ZNF415: variants seen among roughly 807,000 people sequenced by gnomAD.
ZNF415 encodes the protein zinc finger protein 415.
In ZNF415, 5 loss-of-function variants were observed where a neutral mutation model predicts 7.3. The observed-to-expected ratio is 0.69, with a 90% confidence interval of 0.36 to 1.44. The LOEUF is 1.44. ZNF415 is among the 40% of genes most tolerant of loss of function. The pLI is 0.04. For missense variants in ZNF415, 628 were observed against 664.8 expected (o/e 0.94, Z 0.61); for synonymous variants, 207 against 226.3 (o/e 0.91, Z 0.77).
intron 2 of ZNF415, among the ~76,000 whole-genome samples, chr19:53,119,319 C>A (rs77715014): frequency 0.021 from 3,164 of 151,160 alleles, 108 homozygotes; most frequent in African/African-American, 0.072. Context: ...CAGGTATGTG[C>A]CTGTAATCCC....
chr19:53,109,948 GAC>G (rs2085993732), intron 3 of ZNF415, 40 bp from the exon 4 acceptor site: 1 of 1,458,446 alleles, frequency 6.9e-7, no homozygotes, highest in Non-Finnish European at 9.2e-7. Context: ...ATTAATTAGA[GAC>G]AGTATATAAA....
In ZNF415 at chr19:53,109,304, A is replaced by G; in HGVS notation, c.741T>C (p.Asp247=). The G allele has an allele frequency of 6.2e-7, 1 of 1,614,200 alleles. No individual in the cohort carries two copies. The highest frequency in any genetic ancestry group is 8.5e-7 in the Non-Finnish European group (1 of 1,180,026). ...SHSGEKGYKC[D]LCGKVFSQKS... The stretch of plus-strand genomic sequence containing the variant: ...TTTGACTAAAGACCTTGCCACACAG[A>G]TCACATTTATATCCTTTCTCTCCAG... Residue 247 remains aspartate, a synonymous_variant, in exon 4 of 4, where the codon GAT becomes GAC. Coordinates refer to ENST00000243643, the MANE Select transcript of ZNF415 (RefSeq NM_018355.4).
intron 2 of ZNF415, among the ~76,000 whole-genome samples, chr19:53,120,866 A>G (rs1438705749): frequency 6.6e-6 from 1 of 151,804 alleles, no homozygotes; most frequent in East Asian, 1.9e-4. Flanking sequence ...TGGATGGATC[A>G]CGAGGTCAGG....
At chr19:53,114,117 G>T (rs75953354) in intron 3 of ZNF415, among the ~76,000 whole-genome samples, 3 of 152,110 alleles carry the variant, frequency 2.0e-5, no homozygotes, top group African/African-American at 4.8e-5. Flanking sequence ...ATAACCTATA[G>T]GTTGGTTATC....
chr19:53,115,320 AGCG>A (rs2086849943), intron 3 of ZNF415: 12 of 196,554 alleles, frequency 6.1e-5, no homozygotes, highest in Admixed American at 4.3e-4. Context: ...GGGCAATAAG[AGCG>A]AAACTCCATC....
chr19:53,127,501 T>C (rs1320449269), intron 1 of ZNF415, among the ~76,000 whole-genome samples: 1 of 152,210 alleles, frequency 6.6e-6, no homozygotes, highest in Non-Finnish European at 1.5e-5. Context: ...ATGTCTCTAA[T>C]GATGCACGTG....
At chr19:53,115,571 G>A in intron 3 of ZNF415, 2 of 690,188 alleles carry the variant, frequency 2.9e-6, no homozygotes, top group Non-Finnish European at 5.0e-6. Flanking sequence ...GGAGAAGTAG[G>A]GGAAGTTTAA....
chr19:53,131,557 T>C (rs2090075492), intron 1 of ZNF415, among the ~76,000 whole-genome samples: 1 of 152,106 alleles, frequency 6.6e-6, no homozygotes, highest in African/African-American at 2.4e-5. Context: ...TTTCCCTCCC[T>C]CGTTCCGTAC....
intron 1 of ZNF415, among the ~76,000 whole-genome samples, chr19:53,130,739 C>G (rs757360713): frequency 6.6e-6 from 1 of 152,054 alleles, no homozygotes; most frequent in African/African-American, 2.4e-5. Context: ...CTCCGCCTCC[C>G]GGGTTTACAC....
At chr19:53,116,149 A>G in intron 3 of ZNF415, 164 bp downstream of exon 3, 6 of 815,400 alleles carry the variant, frequency 7.4e-6, no homozygotes, top group South Asian at 1.8e-5. Context: ...ATCTGGAAAA[A>G]GGGGATGGTT....
At chr19:53,114,869 G>A (rs2086764800) in intron 3 of ZNF415, among the ~76,000 whole-genome samples, 1 of 152,198 alleles carries the variant, frequency 6.6e-6, no homozygotes, top group Non-Finnish European at 1.5e-5. Context: ...GCTCCTTGCA[G>A]CTCCCCGGGG....
In ZNF415 at chr19:53,122,680, T is replaced by C. The variant is rs762483898; in HGVS notation, c.-4A>G. The C allele has an allele frequency of 8.6e-5, 139 of 1,614,112 alleles. No homozygotes were observed. Among genetic ancestry groups the C allele is most frequent in the Non-Finnish European group, 1.2e-4 (138 of 1,180,046 alleles). The stretch of plus-strand genomic sequence containing the variant: ...TCTTTACCTGAGTAAAAGCCATTCC[T>C]GACTCCTTTGCTCTCCTCTTCTGGG... On this transcript the variant is annotated 5_prime_UTR_variant, in exon 2 of 4. Transcript: ENST00000243643.
At chr19:53,111,293 G>A (rs529735101) in intron 3 of ZNF415, among the ~76,000 whole-genome samples, 9 of 151,368 alleles carry the variant, frequency 5.9e-5, no homozygotes, top group Non-Finnish European at 1.3e-4. Flanking sequence ...TTCCAGGTCT[G>A]GGAGATATAA....
At position 53,109,752 on chromosome 19, in the gene ZNF415, C is replaced by T; in HGVS notation, c.293G>A (p.Cys98Tyr). The T allele has an allele frequency of 1.2e-6, 2 of 1,614,054 alleles. No homozygotes were observed. The highest frequency in any genetic ancestry group is 8.5e-7 in the Non-Finnish European group (1 of 1,179,988). ...EIKKKIHDFD[C>Y]QWRDDERNCN... is the part of the protein sequence containing the mutation. ...ATTTCTTTCATCATCTCTCCACTGA[C>T]AGTCAAAGTCGTGTATTTTTTTCTT... The change falls in exon 4 of 4, where the codon TGT becomes TAT. Residue 98 changes from cysteine to tyrosine, a missense_variant. Cys to Tyr is a radical substitution (Grantham distance 194, BLOSUM62 -2). Transcript: ENST00000243643.
At position 53,109,547 on chromosome 19, in the gene ZNF415, C is replaced by T. The variant is rs2085917803; in HGVS notation, c.498G>A (p.Glu166=). ...CTGAGGAACCATGGTTGACAGACTTCTCAACATGGTTACATTCATAAATTT... is the reference window on the plus strand; with the variant it reads ...CTGAGGAACCATGGTTGACAGACTTTTCAACATGGTTACATTCATAAATTT... ...EGKIYECNHV[E]KSVNHGSSVS... Residue 166 remains glutamate, a synonymous_variant, in exon 4 of 4, where the codon GAG becomes GAA. Transcript: ENST00000243643. 1.2e-6 allele frequency: 2 copies of T among 1,613,932 alleles called. No individual in the cohort carries two copies. Among genetic ancestry groups the T allele is most frequent in the South Asian group, 2.2e-5 (2 of 91,066 alleles).
intron 2 of ZNF415, among the ~76,000 whole-genome samples, chr19:53,119,175 G>A (rs1161222768): frequency 2.0e-5 from 3 of 151,818 alleles, no homozygotes; most frequent in Admixed American, 6.6e-5. Flanking sequence ...CCAGCTACTC[G>A]GGAGGCTGAG....
chr19:53,116,781 G>C (rs536377703), intron 2 of ZNF415, among the ~76,000 whole-genome samples: 1 of 151,866 alleles, frequency 6.6e-6, no homozygotes, highest in East Asian at 1.9e-4. Context: ...AAGTACATTT[G>C]AAAACTTCAA....
At chr19:53,119,444 C>CAAAAAAAAAAAAAAAAAAAAAAA (rs34688086) in intron 2 of ZNF415, among the ~76,000 whole-genome samples, 1 of 35,092 alleles carries the variant, frequency 2.8e-5, no homozygotes, top group African/African-American at 1.1e-4. Context: ...GACTCCATCT[C>CAAAAAAAAAAAAAAAAAAAAAAA]AAAAAAAAAA....
At chr19:53,131,645 G>T (rs925675249) in intron 1 of ZNF415, among the ~76,000 whole-genome samples, 1 of 151,426 alleles carries the variant, frequency 6.6e-6, no homozygotes, top group Non-Finnish European at 1.5e-5. Context: ...CTCATTTTGA[G>T]CCCCTCTCCT....
Sources: allele counts gnomAD v4.1 joint callset (sites outside exome capture counted in the v4.1 genomes callset), GRCh38; gene constraint gnomAD v4.1.1; transcripts MANE v1.5; gene names NCBI Gene and HGNC (gene_info 2026-07-23, HGNC 2026-07-21).